Variants in STARD13 observed in about 807,000 individuals in gnomAD.
STARD13 encodes stAR-related lipid transfer protein 13.
In STARD13, 62 loss-of-function variants were observed where a neutral mutation model predicts 106.4. That is an observed-to-expected ratio of 0.58 (90% confidence interval 0.48 to 0.72). The LOEUF is 0.72. STARD13 is among the 30% of genes least tolerant of loss of function. STARD13 has a pLI of 0.00. For missense variants in STARD13, 1,387 were observed against 1,424.0 expected (o/e 0.97, Z 0.42); for synonymous variants, 565 against 553.0 (o/e 1.02, Z -0.31).
the STARD13 span, among the ~76,000 whole-genome samples, chr13:33,410,798 A>G: frequency 6.6e-6 from 1 of 152,158 alleles, no homozygotes; most frequent in Non-Finnish European, 1.5e-5. Context: ...CTGGCAGACA[A>G]TCTCTGCAGT....
the STARD13 span, chr13:33,676,723 A>G: frequency 6.6e-6 from 1 of 152,212 alleles, no homozygotes; most frequent in South Asian, 2.1e-4. Flanking sequence ...AAAGCAGTAC[A>G]TCAAATGTGC....
intron 12 of STARD13, 48 bp downstream of exon 12, chr13:33,109,825 C>T (rs748111417): frequency 7.0e-6 from 11 of 1,578,724 alleles, no homozygotes; most frequent in African/African-American, 2.7e-5. Context: ...CTACAGTTCG[C>T]GTCCTGCCTT....
At chr13:33,298,228 C>G (rs756304473) in intron 1 of STARD13, among the ~76,000 whole-genome samples, 1 of 141,252 alleles carries the variant, frequency 7.1e-6, no homozygotes, top group Non-Finnish European at 1.5e-5. Context: ...CTCCCAGGTT[C>G]AAGCAATTCT....
Position 33,110,104 on chromosome 13 carries a change from A to G in STARD13, c.2830-14T>C. 1 of 1,613,380 alleles carries G rather than the reference A, an allele frequency of 6.2e-7. No homozygotes were observed. Among genetic ancestry groups the G allele is most frequent in the East Asian group, 2.2e-5 (1 of 44,856 alleles). ...CCCGTCGCCCACCTTGGGAAAGACA[A>G]CGTCAGAAGCTGAAGAGGTTGTCTG... is the stretch of plus-strand genomic sequence containing the variant. On this transcript the variant is annotated splice_polypyrimidine_tract_variant and intron_variant, in intron 11 of 13. Transcript: ENST00000336934.
At chr13:33,642,079 C>T in the STARD13 span, among the ~76,000 whole-genome samples, 1 of 152,132 alleles carries the variant, frequency 6.6e-6, no homozygotes, top group Admixed American at 6.5e-5. Context: ...TTTCCCGTCA[C>T]CCTACTGAAA....
chr13:33,630,780 C>G, the STARD13 span, among the ~76,000 whole-genome samples: 2 of 152,138 alleles, frequency 1.3e-5, no homozygotes, highest in South Asian at 2.1e-4. Flanking sequence ...TACTGAGAGC[C>G]CATGAGTCCC....
intron 1 of STARD13, among the ~76,000 whole-genome samples, chr13:33,320,685 A>T (rs1893526378): frequency 6.6e-6 from 1 of 152,196 alleles, no homozygotes. Context: ...ATAAAAAAAG[A>T]TTGGCCAGGT....
chr13:33,315,599 G>C (rs1355362476), intron 1 of STARD13, among the ~76,000 whole-genome samples: 3 of 152,130 alleles, frequency 2.0e-5, no homozygotes, highest in African/African-American at 7.2e-5. Context: ...AATATTTACA[G>C]ACATCAGGTT....
At chr13:33,447,969 G>C in the STARD13 span, among the ~76,000 whole-genome samples, 1 of 152,118 alleles carries the variant, frequency 6.6e-6, no homozygotes, top group Admixed American at 6.6e-5. Flanking sequence ...CTTAAAGTTA[G>C]TGAAAGAGGT....
the STARD13 span, among the ~76,000 whole-genome samples, chr13:33,663,696 C>G: frequency 6.6e-6 from 1 of 152,082 alleles, no homozygotes; most frequent in African/African-American, 2.4e-5. Context: ...CTACATTGCC[C>G]AAGTGTTCTA....
At chr13:33,442,572 G>A in the STARD13 span, among the ~76,000 whole-genome samples, 1 of 152,164 alleles carries the variant, frequency 6.6e-6, no homozygotes, top group Non-Finnish European at 1.5e-5. Context: ...AACATTTCAA[G>A]TGCGAGGTAT....
At chr13:33,494,859 A>T in the STARD13 span, among the ~76,000 whole-genome samples, 1 of 152,148 alleles carries the variant, frequency 6.6e-6, no homozygotes, top group Admixed American at 6.6e-5. Flanking sequence ...CTGCACCAAA[A>T]AAAGAAATAA....
At chr13:33,109,820 G>A in intron 12 of STARD13, 53 bp downstream of exon 12, 1 of 1,567,488 alleles carries the variant, frequency 6.4e-7, no homozygotes, top group Non-Finnish European at 8.8e-7. Context: ...CACATCTACA[G>A]TTCGCGTCCT....
At chr13:33,181,504 G>A (rs1017346474) in intron 1 of STARD13, among the ~76,000 whole-genome samples, 1 of 152,142 alleles carries the variant, frequency 6.6e-6, no homozygotes, top group Non-Finnish European at 1.5e-5. Flanking sequence ...ATGGGTGAAT[G>A]ACTATAAGAG....
At chr13:33,453,967 A>G in the STARD13 span, among the ~76,000 whole-genome samples, 1 of 152,228 alleles carries the variant, frequency 6.6e-6, no homozygotes, top group African/African-American at 2.4e-5. Flanking sequence ...GAGACCCACA[A>G]GCTAAACAGA....
the STARD13 span, among the ~76,000 whole-genome samples, chr13:33,556,420 G>A: frequency 3.1e-4 from 47 of 151,948 alleles, no homozygotes; most frequent in East Asian, 2.5e-3. Context: ...GACTGAGACC[G>A]CAGGGGCGCC....
chr13:33,282,476 C>T (rs1023909242), intron 1 of STARD13, among the ~76,000 whole-genome samples: 5 of 152,102 alleles, frequency 3.3e-5, no homozygotes, highest in Admixed American at 6.6e-5. Flanking sequence ...ATCATGTGCA[C>T]GCCATTCAAT....
the STARD13 span, among the ~76,000 whole-genome samples, chr13:33,379,097 A>G: frequency 6.6e-6 from 1 of 152,096 alleles, no homozygotes; most frequent in Non-Finnish European, 1.5e-5. Flanking sequence ...GCAACAGAAT[A>G]ATACCCTATC....
chr13:33,621,338 A>G, the STARD13 span, among the ~76,000 whole-genome samples: 1 of 152,072 alleles, frequency 6.6e-6, no homozygotes, highest in Non-Finnish European at 1.5e-5. Context: ...AATAGATAAA[A>G]TTAACAAACT....
Sources: gnomAD v4.1 joint callset for allele counts (sites outside exome capture counted in the v4.1 genomes callset) on GRCh38, gnomAD v4.1.1 for gene constraint, MANE v1.5 for transcripts, NCBI Gene and HGNC (gene_info 2026-07-23, HGNC 2026-07-21) for gene names.